The following COL6A6 variants were observed in gnomAD, a reference collection of about 807,000 sequenced individuals.
The protein encoded by COL6A6 is collagen alpha-6(VI) chain.
In COL6A6, 183 loss-of-function variants were observed where a neutral mutation model predicts 208.6. The observed-to-expected ratio is 0.88, with a 90% confidence interval of 0.78 to 0.99. The LOEUF (loss-of-function observed/expected upper bound fraction) is 0.99. Among genes scored for constraint, COL6A6 ranks in the 50% least tolerant of loss-of-function variants. The probability of loss-of-function intolerance (pLI) is 0.00; values close to 1 mark genes in which losing one functional copy is unlikely to be tolerated. For synonymous variants in COL6A6, 973 were observed against 1,011.8 expected, an observed-to-expected ratio of 0.96 and a Z score of 0.73; for missense variants, 2,816 against 2,815.2, an observed-to-expected ratio of 1.00 and a Z score of -0.01.
At chr3:130,627,901 A>T (rs140802957) in intron 26 of COL6A6, among the ~76,000 whole-genome samples, 5 of 152,376 alleles carry the variant, frequency 3.3e-5, no homozygotes, top group Admixed American at 2.6e-4. Flanking sequence ...AGCAATCACC[A>T]CTAAGAAGTC....
chr3:130,601,071 A>G (rs1425102970), intron 20 of COL6A6, among the ~76,000 whole-genome samples: 1 of 152,166 alleles, frequency 6.6e-6, no homozygotes, highest in Admixed American at 6.5e-5. Flanking sequence ...AAAATATTCA[A>G]TAAGAAGAGA....
In COL6A6 at chr3:130,546,714, CAG is replaced by C. The variant is rs201719971; in HGVS notation, c.-31-13617_-31-13616del. The stretch of plus-strand genomic sequence containing the variant: ...AAGTCGTCACCAGATTAACTAGACA[CAG>C]AGCACCGACTGGTGCGTTTACAAAC... On this transcript the variant is annotated intron_variant, in intron 1 of 36. Coordinates refer to ENST00000358511, the MANE Select transcript of COL6A6 (RefSeq NM_001102608.3). Among the ~76,000 whole-genome samples the C allele has an allele frequency of 1.6e-3, 238 of 152,242 alleles. 6 individuals are homozygous for C. The East Asian group carries it at 0.04, about 25-fold the overall frequency.
intron 20 of COL6A6, among the ~76,000 whole-genome samples, chr3:130,603,353 G>C (rs1169334003): frequency 6.6e-6 from 1 of 152,086 alleles, no homozygotes; most frequent in African/African-American, 2.4e-5. Context: ...TGTTTTCTGG[G>C]GAAAGGGAGG....
At chr3:130,586,100 A>G (rs1314787387) in intron 10 of COL6A6, among the ~76,000 whole-genome samples, 1 of 152,228 alleles carries the variant, frequency 6.6e-6, no homozygotes, top group Non-Finnish European at 1.5e-5. Flanking sequence ...GACCACAGGC[A>G]TATGCCACCA....
intron 1 of COL6A6, among the ~76,000 whole-genome samples, chr3:130,532,425 T>TCTAC (rs2062119200): frequency 6.6e-6 from 1 of 152,186 alleles, no homozygotes; most frequent in Admixed American, 6.5e-5. Flanking sequence ...TGAACACAGG[T>TCTAC]CTACCCCTTG....
Position 130,563,259 on chromosome 3 carries a change from G to T in COL6A6, c.256G>T (p.Gly86Cys). 2 of 1,614,002 alleles carry T rather than the reference G, an allele frequency of 1.2e-6. No homozygotes were observed. Reference protein sequence around the residue: ...HSEFHLSTFKGRSPMLNHLRK... With the variant: ...HSEFHLSTFKCRSPMLNHLRK... Reference sequence around the variant, plus strand: ...TGAATTCCACCTGAGCACCTTCAAAGGCAGGAGCCCCATGCTGAACCACCT... The same window carrying T: ...TGAATTCCACCTGAGCACCTTCAAATGCAGGAGCCCCATGCTGAACCACCT... Residue 86 changes from glycine to cysteine, a missense_variant, in exon 3 of 37, where the codon GGC becomes TGC. Physicochemically the swap from Gly to Cys is radical, Grantham distance 159. Coordinates refer to ENST00000358511, the MANE Select transcript of COL6A6 (RefSeq NM_001102608.3).
chr3:130,649,286 CAAG>C lies in COL6A6; in HGVS notation c.5462_5464del (p.Lys1821del), dbSNP rs1559786948. 6.2e-7 allele frequency: 1 copy of C among 1,604,750 alleles called. No individual in the cohort carries two copies. Among genetic ancestry groups the C allele is most frequent in the South Asian group, 1.1e-5 (1 of 88,920 alleles). On this transcript the variant is annotated inframe_deletion, in exon 33 of 37. Coordinates refer to ENST00000358511, the MANE Select transcript of COL6A6 (RefSeq NM_001102608.3). Reference sequence around the variant, plus strand: ...ACCTTGTGCGCTTCTCAGACGCCTACAAGAAGAGTCAACTTCTCAGAGAAATTG... The same window carrying C: ...ACCTTGTGCGCTTCTCAGACGCCTACAAGAGTCAACTTCTCAGAGAAATTG...
chr3:130,649,570 G>A lies in COL6A6; in HGVS notation c.5733+8G>A, dbSNP rs543758571. On this transcript the variant is annotated splice_region_variant and intron_variant, in intron 33 of 36. Transcript: ENST00000358511. ...GTCAGGCGCGCATTTGCGGTATGAG[G>A]ATGAAACCTTTCACATGACAATTCT... 1 of 1,561,894 alleles carries A rather than the reference G, an allele frequency of 6.4e-7. No homozygotes were observed. The highest frequency in any genetic ancestry group is 1.8e-5 in the Admixed American group (1 of 55,352).
rs1230278106 is a variant in COL6A6, at chr3:130,662,096, A to C, written c.6290A>C (p.Asp2097Ala). 3 of 1,613,900 alleles carry C rather than the reference A, an allele frequency of 1.9e-6. No homozygotes were observed. Among genetic ancestry groups the C allele is most frequent in the African/African-American group, 1.3e-5 (1 of 74,914 alleles). Reference sequence around the variant, plus strand: ...TCTGCTGGGGAAACCAGCCACTTAGATGGGGAAATCTTAAAGAAGGAATCC... The same window carrying C: ...TCTGCTGGGGAAACCAGCCACTTAGCTGGGGAAATCTTAAAGAAGGAATCC... ...VISAGETSHL[D>A]GEILKKESLR... Residue 2097 changes from aspartate (D) to alanine (A), a missense_variant, in exon 35 of 37, where the codon GAT becomes GCT. Physicochemically the swap from Asp to Ala is moderately radical, Grantham distance 126 (BLOSUM62 -2). Transcript: ENST00000358511.
rs1264975822 is a variant in COL6A6 at position 130,675,330 on chromosome 3, T to G, written c.6725T>G (p.Met2242Arg). Residue 2242 changes from methionine to arginine, a missense_variant, in exon 37 of 37, where the codon ATG (methionine) becomes AGG (arginine). Transcript: ENST00000358511. Reference sequence around the variant, plus strand: ...AGAGATGATGCTATTCAAAATTTTATGAGAAGCACCTCCCATACCTTTAAG... The same window carrying G: ...AGAGATGATGCTATTCAAAATTTTAGGAGAAGCACCTCCCATACCTTTAAG... ...SGRDDAIQNF[M>R]RSTSHTFKNG... is the part of the protein sequence containing the mutation. 3 of 1,601,178 alleles carry G rather than the reference T, an allele frequency of 1.9e-6. No individual in the cohort carries two copies.
rs769989127 is a variant in COL6A6, at chr3:130,563,369, C to T, written c.366C>T (p.Pro122=). Residue 122 remains proline (P), a synonymous_variant, in exon 3 of 37, where the codon CCC becomes CCT. Transcript: ENST00000358511. ...QEAHRTYFSA[P]ANGRDKKQFP... ...CTCACAGGACTTATTTCTCTGCACC[C>T]GCAAATGGGAGAGACAAGAAACAGT... The T allele has an allele frequency of 1.5e-5, 25 of 1,613,846 alleles. No individual in the cohort carries two copies. The highest frequency in any genetic ancestry group is 3.3e-5 in the South Asian group (3 of 91,068).
In COL6A6 at chr3:130,565,300, G is replaced by A. The variant is rs190980449; in HGVS notation, c.968G>A (p.Arg323Gln). 1.0e-4 allele frequency: 165 copies of A among 1,613,972 alleles called. No homozygotes were observed. The highest frequency in any genetic ancestry group is 9.5e-4 in the African/African-American group (71 of 75,028). ...KKLRKEVFSA[R>Q]NGSRKNQGVP... ...CTCAGGAAGGAAGTTTTTAGTGCAC[G>A]GAATGGCAGTCGGAAGAATCAGGGG... is the stretch of plus-strand genomic sequence containing the variant. Residue 323 changes from arginine to glutamine, a missense_variant, in exon 4 of 37, where the codon CGG (arginine) becomes CAG (glutamine). Physicochemically the swap from Arg to Gln is conservative, Grantham distance 43. Transcript: ENST00000358511.
intron 31 of COL6A6, 93 bp downstream of exon 31, chr3:130,643,116 A>G (rs1368430265): frequency 3.0e-6 from 4 of 1,344,334 alleles, no homozygotes; most frequent in Non-Finnish European, 4.2e-6. Context: ...TCACCAGCCA[A>G]TTTCTTAAAA....
chr3:130,540,360 A>G (rs186253105), intron 1 of COL6A6, among the ~76,000 whole-genome samples: 2 of 152,354 alleles, frequency 1.3e-5, no homozygotes, highest in Admixed American at 6.5e-5. Flanking sequence ...CCCAAAGTCC[A>G]TAATTTACAT....
intron 1 of COL6A6, among the ~76,000 whole-genome samples, chr3:130,521,141 GCT>G (rs1037266428): frequency 6.6e-6 from 1 of 152,138 alleles, no homozygotes; most frequent in African/African-American, 2.4e-5. Flanking sequence ...TTTTTGTATT[GCT>G]CTAAGTACTG....
At chr3:130,605,651 A>G (rs2064159161) in intron 20 of COL6A6, among the ~76,000 whole-genome samples, 1 of 152,194 alleles carries the variant, frequency 6.6e-6, no homozygotes, top group Non-Finnish European at 1.5e-5. Flanking sequence ...AAGACTTCTA[A>G]TCATTTCCCC....
At chr3:130,597,624 C>T (rs920220474) in intron 18 of COL6A6, among the ~76,000 whole-genome samples, 1 of 152,198 alleles carries the variant, frequency 6.6e-6, no homozygotes, top group Non-Finnish European at 1.5e-5. Context: ...GTCTCAACAT[C>T]ATGGAGACAC....
At chr3:130,627,278 C>G (rs2064918536) in intron 25 of COL6A6, 41 bp from the exon 26 acceptor site, 1 of 1,580,016 alleles carries the variant, frequency 6.3e-7, no homozygotes, top group Admixed American at 1.7e-5. Flanking sequence ...CTGTCTCTAT[C>G]TGTAGTCTGG....
At chr3:130,577,925 C>A (rs1359766125) in intron 8 of COL6A6, among the ~76,000 whole-genome samples, 1 of 152,136 alleles carries the variant, frequency 6.6e-6, no homozygotes, top group Non-Finnish European at 1.5e-5. Context: ...ACCAACAATT[C>A]CTTAGTTTAG....
Sources: gnomAD v4.1 joint callset for allele counts (sites outside exome capture counted in the v4.1 genomes callset) on GRCh38, gnomAD v4.1.1 for gene constraint, MANE v1.5 for transcripts, NCBI Gene and HGNC (gene_info 2026-07-23, HGNC 2026-07-21) for gene names.